CDH15: variants seen among roughly 807,000 people sequenced by gnomAD.
CDH15 encodes the protein cadherin-15.
Under a neutral mutation model 69.4 loss-of-function variants are expected in CDH15, and 73 were observed. That is an observed-to-expected ratio of 1.05 (90% CI 0.87 to 1.28). The LOEUF (loss-of-function observed/expected upper bound fraction) is 1.28, where lower values mean the gene tolerates loss of function less well. Among genes scored for constraint, CDH15 ranks in the 50% most tolerant of loss-of-function variants. CDH15 has a pLI of 0.00. For synonymous variants in CDH15, 624 were observed against 507.7 expected (o/e 1.23, Z -3.08); for missense variants, 1,343 against 1,133.6 (o/e 1.18, Z -2.65).
rs1312142403 is a variant in CDH15 at position 89,191,590 on chromosome 16, C to G, written c.1376-65C>G. The stretch of plus-strand genomic sequence containing the variant: ...GGGGGCTCAGAGCTGCGCACCCGCT[C>G]TGAGCCGACTGGTGGGGCAGGCTGG... On this transcript the variant is annotated intron_variant, in intron 9 of 13. Coordinates refer to ENST00000289746, the MANE Select transcript of CDH15 (RefSeq NM_004933.3). 2.4e-5 allele frequency: 38 copies of G among 1,572,148 alleles called. No individual in the cohort carries two copies. In the South Asian group the frequency reaches 3.7e-4, roughly 16 times the overall value.
At chr16:89,176,167 C>T (rs1260939989) in intron 1 of CDH15, among the ~76,000 whole-genome samples, 1 of 152,254 alleles carries the variant, frequency 6.6e-6, no homozygotes, top group East Asian at 1.9e-4. Flanking sequence ...CCGGCCCCCG[C>T]CCACTCAGAC....
intron 1 of CDH15, among the ~76,000 whole-genome samples, chr16:89,172,159 C>G (rs911390533): frequency 6.6e-6 from 1 of 152,142 alleles, no homozygotes; most frequent in Non-Finnish European, 1.5e-5. Context: ...TAGCCGTGCC[C>G]TCTCTTTGGA....
Position 89,171,872 on chromosome 16 carries a change from A to C in CDH15, c.41A>C (p.Gln14Pro), listed in dbSNP as rs1915159911. Residue 14 changes from glutamine to proline, a missense_variant and splice_region_variant, in exon 1 of 14, where the codon CAG (glutamine) becomes CCG (proline). Transcript: ENST00000289746. Reference sequence around the variant, plus strand: ...CTCCTCGTCCTCGGGCTGTTGGCCCAGGTAAGGCATCGGCACCTGCGGGGG... The same window carrying C: ...CTCCTCGTCCTCGGGCTGTTGGCCCCGGTAAGGCATCGGCACCTGCGGGGG... ...AFLLVLGLLA[Q>P]SLCLSLGVPG... 1 of 1,557,764 alleles carries C rather than the reference A, an allele frequency of 6.4e-7. No homozygotes were observed. Among genetic ancestry groups the C allele is most frequent in the East Asian group, 2.4e-5 (1 of 41,774 alleles).
chr16:89,191,248 G>A (rs1331493237), intron 8 of CDH15, 82 bp from the exon 9 acceptor site: 5 of 1,505,182 alleles, frequency 3.3e-6, no homozygotes, highest in South Asian at 1.1e-5. Context: ...TGTGTGCAGT[G>A]CATGTCACGC....
chr16:89,194,276 A>C (rs1915738545), intron 13 of CDH15, among the ~76,000 whole-genome samples: 1 of 152,148 alleles, frequency 6.6e-6, no homozygotes, highest in African/African-American at 2.4e-5. Context: ...CCCTCTGGAC[A>C]CAGCGTTAAT....
At chr16:89,185,809 C>T (rs1217876815) in intron 5 of CDH15, 2 of 257,862 alleles carry the variant, frequency 7.8e-6, no homozygotes, top group African/African-American at 4.5e-5. Context: ...GGCAGGGACC[C>T]AAGCTCACTG....
intron 7 of CDH15, among the ~76,000 whole-genome samples, chr16:89,188,992 C>A (rs889128127): frequency 2.1e-5 from 3 of 142,322 alleles, no homozygotes; most frequent in Non-Finnish European, 4.5e-5. Context: ...CACACAGACA[C>A]CCACACACAG....
chr16:89,188,700 G>GATGCCGGCACA (rs1567774941), intron 7 of CDH15, among the ~76,000 whole-genome samples: 3 of 67,744 alleles, frequency 4.4e-5, no homozygotes, highest in Non-Finnish European at 9.2e-5. Flanking sequence ...AGATGCCCAC[G>GATGCCGGCACA]CACAGATGGC....
chr16:89,172,254 G>T (rs1297678263), intron 1 of CDH15, among the ~76,000 whole-genome samples: 1 of 152,118 alleles, frequency 6.6e-6, no homozygotes, highest in Non-Finnish European at 1.5e-5. Context: ...TCTCTGGGGG[G>T]CTGGGGGCCA....
intron 1 of CDH15, among the ~76,000 whole-genome samples, chr16:89,176,445 GC>G (rs1294658643): frequency 2.0e-5 from 3 of 152,194 alleles, no homozygotes; most frequent in South Asian, 4.1e-4. Context: ...ATTTCATGGG[GC>G]CCCACCCTGC....
intron 4 of CDH15, among the ~76,000 whole-genome samples, chr16:89,184,275 G>A (rs1370116279): frequency 1.3e-5 from 2 of 152,180 alleles, no homozygotes; most frequent in African/African-American, 4.8e-5. Flanking sequence ...TCTGCCCCAG[G>A]TGACAGACAG....
chr16:89,191,953 C>T, intron 10 of CDH15, 59 bp downstream of exon 10: 1 of 1,465,568 alleles, frequency 6.8e-7, no homozygotes, highest in Non-Finnish European at 9.2e-7. Flanking sequence ...CCCCCACATT[C>T]CGGCCTCGGA....
intron 1 of CDH15, among the ~76,000 whole-genome samples, chr16:89,174,691 T>C (rs1169556389): frequency 1.3e-5 from 2 of 152,122 alleles, no homozygotes; most frequent in Non-Finnish European, 2.9e-5. Context: ...GGCTCTTGGC[T>C]AAGGGTCCAG....
In CDH15 at chr16:89,190,892, C is replaced by G. The variant is rs745473191; in HGVS notation, c.1232+396C>G. 2.0e-5 allele frequency among the ~76,000 whole-genome samples: 3 copies of G among 152,278 alleles called. No homozygotes were observed. The East Asian group carries it at 5.8e-4, about 29-fold the overall frequency. The stretch of plus-strand genomic sequence containing the variant: ...CTAGGTTGCCACACAATTGTCTCAG[C>G]GCCCTGGACAGCTCGCCTGCCCTCC... On this transcript the variant is annotated intron_variant, in intron 8 of 13. Coordinates refer to ENST00000289746, the MANE Select transcript of CDH15 (RefSeq NM_004933.3).
At chr16:89,185,433 C>A (rs747624155) in intron 5 of CDH15, 100 bp downstream of exon 5, 29 of 1,323,276 alleles carry the variant, frequency 2.2e-5, no homozygotes, top group Non-Finnish European at 2.8e-5. Context: ...ACGCTCCTGT[C>A]CCTGCCGTCA....
At chr16:89,187,622 C>G in intron 6 of CDH15, 65 bp downstream of exon 6, 1 of 1,599,514 alleles carries the variant, frequency 6.3e-7, no homozygotes, top group Non-Finnish European at 8.5e-7. Flanking sequence ...TCTTGGGCTC[C>G]TGCAGAAGGC....
At chr16:89,185,463 C>G in intron 5 of CDH15, 130 bp downstream of exon 5, 1 of 1,073,076 alleles carries the variant, frequency 9.3e-7, no homozygotes. Flanking sequence ...TTGCAGTGGC[C>G]CTGGCTCCTG....
At chr16:89,184,544 C>T (rs919306419) in intron 4 of CDH15, among the ~76,000 whole-genome samples, 3 of 152,226 alleles carry the variant, frequency 2.0e-5, no homozygotes, top group Admixed American at 1.3e-4. Flanking sequence ...CCTACACAGT[C>T]ACAGTGCGCG....
chr16:89,183,220 G>A, intron 3 of CDH15: 1 of 269,682 alleles, frequency 3.7e-6, no homozygotes, highest in South Asian at 8.0e-5. Flanking sequence ...AACTTCAGGA[G>A]GAACAAAGAC....
Sources: gnomAD v4.1 joint callset for allele counts (sites outside exome capture counted in the v4.1 genomes callset) on GRCh38, gnomAD v4.1.1 for gene constraint, MANE v1.5 for transcripts, NCBI Gene and HGNC (gene_info 2026-07-23, HGNC 2026-07-21) for gene names.